The following INPP4A variants were observed in gnomAD, a reference collection of about 807,000 sequenced individuals.
The protein encoded by INPP4A is inositol polyphosphate-4-phosphatase, type I, 107kD.
Under a neutral mutation model 119.8 loss-of-function variants are expected in INPP4A, and 33 were observed. That is an observed-to-expected ratio of 0.28 (90% CI 0.21 to 0.37). The LOEUF (loss-of-function observed/expected upper bound fraction) is 0.37. Among genes scored for constraint, INPP4A ranks in the 10% least tolerant of loss-of-function variants. INPP4A has a pLI of 1.00. For synonymous variants in INPP4A, 496 were observed against 500.7 expected, an observed-to-expected ratio of 0.99 and a Z score of 0.12; for missense variants, 956 against 1,289.9, an observed-to-expected ratio of 0.74 and a Z score of 3.97.
At chr2:98,535,289 GC>G (rs1286244504) in intron 5 of INPP4A, among the ~76,000 whole-genome samples, 1 of 152,176 alleles carries the variant, frequency 6.6e-6, no homozygotes, top group Non-Finnish European at 1.5e-5. Flanking sequence ...AACCACTTAA[GC>G]CATTCATTTT....
intron 14 of INPP4A, among the ~76,000 whole-genome samples, chr2:98,553,381 A>G (rs1304832285): frequency 6.6e-6 from 1 of 152,132 alleles, no homozygotes; most frequent in African/African-American, 2.4e-5. Context: ...ATATAATTTT[A>G]TTGGCTTACA....
rs1331160788 is a variant in INPP4A at position 98,521,001 on chromosome 2, G to A, written c.151+270G>A. 1.9e-4 allele frequency: 65 copies of A among 334,820 alleles called. No individual in the cohort carries two copies. In the East Asian group the frequency reaches 3.0e-3, roughly 15 times the overall value. 20.7% of individuals were successfully genotyped at this position (334,820 alleles called of 1,614,324 possible). A position where few individuals can be genotyped will look rare whatever the true frequency, so the allele number is the denominator to read the frequency against. Reference sequence around the variant, plus strand: ...GCTCTCCACAGGTGGCTGGGGACAGGGAGGTGAGCCCACCTAGAGCTGCCA... The same window carrying A: ...GCTCTCCACAGGTGGCTGGGGACAGAGAGGTGAGCCCACCTAGAGCTGCCA... On this transcript the variant is annotated intron_variant, in intron 4 of 24. Coordinates refer to ENST00000409851, the MANE Select transcript of INPP4A (RefSeq NM_001134225.2).
intron 24 of INPP4A, among the ~76,000 whole-genome samples, chr2:98,582,659 A>T (rs1475991749): frequency 6.6e-6 from 1 of 152,068 alleles, no homozygotes; most frequent in Non-Finnish European, 1.5e-5. Context: ...TGCATACGCC[A>T]GACACAGAAA....
intron 16 of INPP4A, among the ~76,000 whole-genome samples, chr2:98,557,109 G>T (rs1251503916): frequency 6.6e-6 from 1 of 152,122 alleles, no homozygotes; most frequent in Non-Finnish European, 1.5e-5. Flanking sequence ...TTCATCAGAT[G>T]GGATTATATC....
chr2:98,492,783 G>A (rs922143906), intron 1 of INPP4A, among the ~76,000 whole-genome samples: 7 of 152,248 alleles, frequency 4.6e-5, no homozygotes, highest in Non-Finnish European at 7.3e-5. Context: ...GGAAAACAGA[G>A]CCTAGCCAGG....
intron 1 of INPP4A, among the ~76,000 whole-genome samples, chr2:98,510,293 T>C (rs1214097085): frequency 6.6e-6 from 1 of 152,140 alleles, no homozygotes; most frequent in Non-Finnish European, 1.5e-5. Flanking sequence ...CAGAACTCCA[T>C]CTACTGAGAT....
At position 98,543,949 on chromosome 2, in the gene INPP4A, G is replaced by A. The variant is rs766579653; in HGVS notation, c.891G>A (p.Gln297=). 3 of 1,599,976 alleles carry A rather than the reference G, an allele frequency of 1.9e-6. No homozygotes were observed. Among genetic ancestry groups the A allele is most frequent in the South Asian group, 1.1e-5 (1 of 88,692 alleles). Residue 297 remains glutamine, a synonymous_variant, in exon 11 of 25, where the codon CAG becomes CAA. Coordinates refer to ENST00000409851, the MANE Select transcript of INPP4A (RefSeq NM_001134225.2). The stretch of plus-strand genomic sequence containing the variant: ...GCCTCCGGCGCCAAATTGTCACCCA[G>A]TACCAGACCATCATCCTCACATACC... ...WESLRRQIVT[Q]YQTIILTYQE...
chr2:98,465,633 C>T (rs1256434820), intron 1 of INPP4A, among the ~76,000 whole-genome samples: 3 of 152,114 alleles, frequency 2.0e-5, no homozygotes, highest in Admixed American at 6.5e-5. Flanking sequence ...CTTGGGGAGG[C>T]CTAGGGGTGG....
chr2:98,460,046 T>A (rs1696863071), intron 1 of INPP4A, among the ~76,000 whole-genome samples: 1 of 150,868 alleles, frequency 6.6e-6, no homozygotes, highest in Admixed American at 6.6e-5. Flanking sequence ...GGCTGGAACC[T>A]AGGTCTGCTT....
intron 24 of INPP4A, among the ~76,000 whole-genome samples, chr2:98,579,039 C>A (rs143074213): frequency 0.01 from 1,596 of 152,118 alleles, 16 homozygotes; most frequent in Middle Eastern, 0.031. Flanking sequence ...TAAATGTAGA[C>A]CTTATCACTT....
At position 98,590,849 on chromosome 2, in the gene INPP4A, T is replaced by A. The variant is rs1031497861; in HGVS notation, c.*3241T>A. ...TTAAGCTACCACCAAAAATAACATGTGCCTTTTCCCTTTATTCTCATTGAT... is the reference window on the plus strand; with the variant it reads ...TTAAGCTACCACCAAAAATAACATGAGCCTTTTCCCTTTATTCTCATTGAT... On this transcript the variant is annotated 3_prime_UTR_variant, in exon 25 of 25. Transcript: ENST00000409851. 8 of 230,092 alleles carry A rather than the reference T, an allele frequency of 3.5e-5. No individual in the cohort carries two copies. Among genetic ancestry groups the A allele is most frequent in the African/African-American group, 1.5e-4 (7 of 45,220 alleles). 14.3% of individuals were successfully genotyped at this position (230,092 alleles called of 1,614,324 possible).
chr2:98,539,077 G>A lies in INPP4A; in HGVS notation c.670+96G>A, dbSNP rs1690889595. ...CTCCCCACCTGCTGCGATTGTCCCA[G>A]CCATGCACCCTAATTGTCACCTCTC... On this transcript the variant is annotated intron_variant, in intron 9 of 24. Coordinates refer to ENST00000409851, the MANE Select transcript of INPP4A (RefSeq NM_001134225.2). 4.6e-6 allele frequency: 3 copies of A among 645,886 alleles called. No homozygotes were observed. In the East Asian group the frequency reaches 8.3e-5, roughly 18 times the overall value. The allele number at this position is 645,886 out of a possible 1,614,324, so 40.0% of individuals were successfully genotyped here.
At chr2:98,578,909 C>T (rs890737079) in intron 24 of INPP4A, among the ~76,000 whole-genome samples, 3 of 152,294 alleles carry the variant, frequency 2.0e-5, no homozygotes, top group South Asian at 2.1e-4. Context: ...TGCCTATGGG[C>T]GTGAGTATGT....
intron 22 of INPP4A, among the ~76,000 whole-genome samples, chr2:98,572,523 G>C (rs1274873928): frequency 6.6e-6 from 1 of 152,234 alleles, no homozygotes; most frequent in Non-Finnish European, 1.5e-5. Context: ...GAGGGGTGCG[G>C]GAGGCATGGG....
intron 1 of INPP4A, among the ~76,000 whole-genome samples, chr2:98,476,031 A>G (rs1677136223): frequency 6.6e-6 from 1 of 152,232 alleles, no homozygotes; most frequent in Non-Finnish European, 1.5e-5. Context: ...GCTTTGTGGT[A>G]ACAAGTCTTT....
chr2:98,533,139 C>A (rs1261314031), intron 4 of INPP4A, among the ~76,000 whole-genome samples: 1 of 152,262 alleles, frequency 6.6e-6, no homozygotes, highest in Admixed American at 6.5e-5. Context: ...AAGCCCCCGT[C>A]AGCGCAGCCT....
chr2:98,554,388 G>C lies in INPP4A; in HGVS notation c.1465G>C (p.Glu489Gln). 6.2e-7 allele frequency: 1 copy of C among 1,613,856 alleles called. No individual in the cohort carries two copies. The stretch of plus-strand genomic sequence containing the variant: ...GGCCTCTCCCACTTCGACTGAGGAG[G>C]AGCAGGTGATGCTTAGAAATGACCA... ...SKASPTSTEEEQVMLRNDQDT... is the reference protein window; with the variant it reads ...SKASPTSTEEQQVMLRNDQDT... The change falls in exon 15 of 25, where the codon GAG becomes CAG. Residue 489 changes from glutamate (E) to glutamine (Q), a missense_variant. Physicochemically the swap from Glu to Gln is conservative, Grantham distance 29. Transcript: ENST00000409851. The surrounding 1 kb of genome is among the most constrained non-coding windows in gnomAD (Gnocchi z 4.7).
In INPP4A at chr2:98,593,254, A is replaced by C. The variant is rs1213230609; in HGVS notation, c.*5646A>C. On this transcript the variant is annotated 3_prime_UTR_variant, in exon 25 of 25. Coordinates refer to ENST00000409851, the MANE Select transcript of INPP4A (RefSeq NM_001134225.2). ...AAGCTGAGCAGACAGGGTAGGAAAC[A>C]CACTTGCATCTCCATGGCTCCAAAG... 1 of 152,458 alleles carries C rather than the reference A, an allele frequency of 6.6e-6. No homozygotes were observed. The highest frequency in any genetic ancestry group is 1.5e-5 in the Non-Finnish European group (1 of 68,136). 9.4% of individuals were successfully genotyped at this position (152,458 alleles called of 1,614,324 possible). A position where few individuals can be genotyped will look rare whatever the true frequency, so the allele number is the denominator to read the frequency against.
intron 10 of INPP4A, among the ~76,000 whole-genome samples, chr2:98,542,325 C>T (rs942445097): frequency 3.9e-5 from 6 of 152,190 alleles, no homozygotes; most frequent in Non-Finnish European, 5.9e-5. Context: ...AATAAAATGG[C>T]ACAGCTTTTA....
Sources: gnomAD v4.1 joint callset for allele counts (sites outside exome capture counted in the v4.1 genomes callset) on GRCh38, gnomAD v4.1.1 for gene constraint, Gnocchi (gnomAD v3.1) non-coding constraint, MANE v1.5 for transcripts, NCBI Gene and HGNC (gene_info 2026-07-23, HGNC 2026-07-21) for gene names.